Variants in RALGAPA2 observed in about 807,000 individuals in gnomAD.
The protein encoded by RALGAPA2 is ral GTPase-activating protein subunit alpha-2.
A neutral mutation model predicts 230.4 loss-of-function variants in RALGAPA2; 139 were observed. The ratio of observed to expected loss-of-function variants is 0.60; its 90% CI spans 0.53 to 0.69. RALGAPA2 has a LOEUF of 0.69. Ranked by LOEUF, RALGAPA2 falls within the 30% of genes least tolerant of loss-of-function variation. RALGAPA2 has a pLI of 0.00. For missense variants in RALGAPA2, 2,163 were observed against 2,276.0 expected (o/e 0.95, Z 1.01); for synonymous variants, 847 against 837.8 (o/e 1.01, Z -0.19).
At position 20,531,698 on chromosome 20, in the gene RALGAPA2, C is replaced by A. The variant is rs764658356; in HGVS notation, c.3571G>T (p.Val1191Leu). The A allele has an allele frequency of 6.2e-7, 1 of 1,602,434 alleles. No homozygotes were observed. The highest frequency in any genetic ancestry group is 1.1e-5 in the South Asian group (1 of 88,820). The part of the protein sequence containing the change: ...QVKEAINVIG[V>L]TLKFPNKIVA... Reference sequence around the variant, plus strand: ...CAAACTGGTAATACCTTCAGAGTTACTCCTATCACATTGATGGCCTCTTTC... The same window carrying A: ...CAAACTGGTAATACCTTCAGAGTTAATCCTATCACATTGATGGCCTCTTTC... Residue 1191 changes from valine to leucine, a missense_variant, in exon 27 of 40, where the codon GTA becomes TTA. Physicochemically the swap from Val to Leu is conservative, Grantham distance 32. Coordinates refer to ENST00000202677, the MANE Select transcript of RALGAPA2 (RefSeq NM_020343.4).
intron 3 of RALGAPA2, among the ~76,000 whole-genome samples, chr20:20,663,440 T>C (rs2067850928): frequency 6.6e-6 from 1 of 152,172 alleles, no homozygotes; most frequent in Admixed American, 6.5e-5. Flanking sequence ...GATTCATTCT[T>C]ACTGTAGATC....
At chr20:20,417,925 T>C (rs528875631) in intron 37 of RALGAPA2, among the ~76,000 whole-genome samples, 1 of 152,318 alleles carries the variant, frequency 6.6e-6, no homozygotes, top group South Asian at 2.1e-4. Context: ...AACTGCGTGA[T>C]AAAAACTTTT....
chr20:20,700,426 T>C (rs962220847), intron 1 of RALGAPA2, among the ~76,000 whole-genome samples: 6 of 152,034 alleles, frequency 3.9e-5, no homozygotes, highest in Non-Finnish European at 8.8e-5. Context: ...GTAACAAACC[T>C]GCACATGTAC....
At chr20:20,423,831 T>C (rs781490356) in intron 37 of RALGAPA2, among the ~76,000 whole-genome samples, 1 of 152,176 alleles carries the variant, frequency 6.6e-6, no homozygotes, top group Non-Finnish European at 1.5e-5. Context: ...AAAAGGAAAT[T>C]AAACACATGG....
intron 37 of RALGAPA2, among the ~76,000 whole-genome samples, chr20:20,439,953 T>C (rs1424173454): frequency 2.6e-5 from 4 of 152,254 alleles, no homozygotes; most frequent in Non-Finnish European, 4.4e-5. Context: ...TTGGGGAAAG[T>C]GCTCTTTACT....
chr20:20,511,223 G>A, intron 33 of RALGAPA2, 31 bp downstream of exon 33: 1 of 1,555,990 alleles, frequency 6.4e-7, no homozygotes, highest in Admixed American at 2.0e-5. Context: ...AGACAAACAG[G>A]AAAAAAGTGG....
Position 20,571,514 on chromosome 20 carries a change from C to T in RALGAPA2, c.3100G>A (p.Asp1034Asn). The T allele has an allele frequency of 2.5e-6, 4 of 1,612,950 alleles. No individual in the cohort carries two copies. Among genetic ancestry groups the T allele is most frequent in the Non-Finnish European group, 3.4e-6 (4 of 1,179,596 alleles). ...ACAAGGTAAAAATGCACCAGGAAAT[C>T]TGAGTTTGGCAGAACGTCCTGGCGT... The part of the protein sequence containing the change: ...TRRQDVLPNS[D>N]FLVHFYLVMH... The change falls in exon 23 of 40, where the codon GAT becomes AAT. Residue 1034 changes from aspartate to asparagine, a missense_variant. Physicochemically the swap from Asp to Asn is conservative, Grantham distance 23 (BLOSUM62 1). Transcript: ENST00000202677.
intron 27 of RALGAPA2, among the ~76,000 whole-genome samples, chr20:20,529,770 C>T (rs1220568879): frequency 1.3e-5 from 2 of 152,154 alleles, no homozygotes; most frequent in African/African-American, 4.8e-5. Context: ...CACAACAATG[C>T]AATCACCTAG....
In RALGAPA2 at chr20:20,550,974, G is replaced by C. The variant is rs145969928; in HGVS notation, c.3157-4142C>G. 3.6e-3 allele frequency among the ~76,000 whole-genome samples: 544 copies of C among 152,216 alleles called. 4 individuals carry two copies. Among genetic ancestry groups the C allele is most frequent in the African/African-American group, 0.013 (529 of 41,530 alleles). On this transcript the variant is annotated intron_variant, in intron 23 of 39. Coordinates refer to ENST00000202677, the MANE Select transcript of RALGAPA2 (RefSeq NM_020343.4). ...AAGAATAGTTTAAGACATTTCAAAG[G>C]TGGCACACAAACAAGCCTCTTAGAT... is the stretch of plus-strand genomic sequence containing the variant.
chr20:20,462,691 T>G (rs185518697), intron 37 of RALGAPA2, among the ~76,000 whole-genome samples: 266 of 152,272 alleles, frequency 1.7e-3, no homozygotes, highest in Non-Finnish European at 2.4e-3. Flanking sequence ...ATTAAAAAAT[T>G]TACTTGAGTG....
At chr20:20,444,424 A>G (rs1451017643) in intron 37 of RALGAPA2, among the ~76,000 whole-genome samples, 4 of 152,094 alleles carry the variant, frequency 2.6e-5, no homozygotes, top group African/African-American at 9.7e-5. Flanking sequence ...TATTTCAAGA[A>G]ATTTTAAAAC....
At position 20,518,871 on chromosome 20, in the gene RALGAPA2, A is replaced by G. The variant is rs553205948; in HGVS notation, c.4084+2046T>C. Among the ~76,000 whole-genome samples, 11 of 152,310 alleles carry G rather than the reference A, an allele frequency of 7.2e-5. No individual in the cohort carries two copies. The South Asian group carries it at 2.1e-3, about 29-fold the overall frequency. ...AAAAACAAGTTAATTTTATTATAAGACATATGAACTTACAGTAGGGAACAA... is the reference window on the plus strand; with the variant it reads ...AAAAACAAGTTAATTTTATTATAAGGCATATGAACTTACAGTAGGGAACAA... On this transcript the variant is annotated intron_variant, in intron 31 of 39. Transcript: ENST00000202677.
intron 31 of RALGAPA2, among the ~76,000 whole-genome samples, chr20:20,514,291 A>C (rs183753812): frequency 1.3e-5 from 2 of 152,088 alleles, no homozygotes; most frequent in Admixed American, 1.3e-4. Flanking sequence ...AGGAATTCAA[A>C]GCACCTGCTC....
chr20:20,448,280 G>A (rs963797320), intron 37 of RALGAPA2, among the ~76,000 whole-genome samples: 9 of 152,162 alleles, frequency 5.9e-5, no homozygotes, highest in African/African-American at 1.9e-4. Context: ...GTACTTGACC[G>A]AGTAGAGTGT....
intron 3 of RALGAPA2, among the ~76,000 whole-genome samples, chr20:20,663,425 T>C (rs1173794769): frequency 3.9e-5 from 6 of 152,162 alleles, no homozygotes; most frequent in African/African-American, 2.4e-5. Context: ...CACAATTTCA[T>C]AGAAGATTCA....
intron 20 of RALGAPA2, among the ~76,000 whole-genome samples, chr20:20,573,628 T>C (rs1198274728): frequency 2.0e-5 from 3 of 152,204 alleles, no homozygotes; most frequent in African/African-American, 4.8e-5. Context: ...TCTCAGCCTC[T>C]TGCAACTACT....
intron 36 of RALGAPA2, among the ~76,000 whole-genome samples, chr20:20,489,756 C>A (rs967080144): frequency 3.9e-5 from 6 of 152,318 alleles, no homozygotes; most frequent in African/African-American, 1.4e-4. Context: ...ACATTGTGTG[C>A]ACCTGTGTGC....
chr20:20,396,513 C>A (rs1569357299), intron 39 of RALGAPA2, among the ~76,000 whole-genome samples, 182 bp downstream of exon 39: 3 of 152,252 alleles, frequency 2.0e-5, no homozygotes, highest in Admixed American at 2.0e-4. Context: ...CAAGGCTGGG[C>A]TTCCCCGGGC....
intron 28 of RALGAPA2, 50 bp downstream of exon 28, chr20:20,526,202 C>G (rs1352984229): frequency 7.9e-7 from 1 of 1,264,076 alleles, no homozygotes; most frequent in East Asian, 2.5e-5. Context: ...ATATCAAATA[C>G]AGTAAAAAGG....
Sources: gnomAD v4.1 joint callset for allele counts (sites outside exome capture counted in the v4.1 genomes callset) on GRCh38, gnomAD v4.1.1 for gene constraint, MANE v1.5 for transcripts, NCBI Gene and HGNC (gene_info 2026-07-23, HGNC 2026-07-21) for gene names.